The following BFSP2 variants were observed in gnomAD, a reference collection of about 807,000 sequenced individuals.
BFSP2 encodes the protein phakinin.
Under a neutral mutation model 44.9 loss-of-function variants are expected in BFSP2, and 38 were observed. The observed-to-expected ratio is 0.85, with a 90% confidence interval of 0.65 to 1.11. The LOEUF (loss-of-function observed/expected upper bound fraction) is 1.11. Among genes scored for constraint, BFSP2 ranks in the 50% least tolerant of loss-of-function variants. BFSP2 has a pLI of 0.00. For missense variants in BFSP2, 525 were observed against 533.0 expected (o/e 0.99, Z 0.15); for synonymous variants, 197 against 209.9 (o/e 0.94, Z 0.53).
At chr3:133,410,433 T>C (rs1294674253) in intron 1 of BFSP2, 1 of 274,652 alleles carries the variant, frequency 3.6e-6, no homozygotes, top group Non-Finnish European at 7.3e-6. Flanking sequence ...CAAGCCGCGC[T>C]CTTCCAGCCC....
intron 4 of BFSP2, among the ~76,000 whole-genome samples, chr3:133,458,406 C>T (rs1272379203): frequency 2.0e-5 from 3 of 152,184 alleles, no homozygotes; most frequent in Admixed American, 2.0e-4. Context: ...GTTAAGACAA[C>T]ACACAGGCTG....
At chr3:133,415,152 C>T (rs1234998685) in intron 1 of BFSP2, among the ~76,000 whole-genome samples, 1 of 127,138 alleles carries the variant, frequency 7.9e-6, no homozygotes, top group East Asian at 2.7e-4. Context: ...GCCCTCTCCC[C>T]CGTCCTCTCC....
Position 133,450,467 on chromosome 3 carries a change from G to C in BFSP2, c.891+3G>C, listed in dbSNP as rs1221147981. On this transcript the variant is annotated splice_donor_region_variant and intron_variant, in intron 4 of 6. Transcript: ENST00000302334. The stretch of plus-strand genomic sequence containing the variant: ...CAGGAGCCCTGCTCCAAGCTAAGGT[G>C]AGAGGCAGGACCAGCATCCTCCACT... 1 of 1,613,860 alleles carries C rather than the reference G, an allele frequency of 6.2e-7. No individual in the cohort carries two copies. Among genetic ancestry groups the C allele is most frequent in the Non-Finnish European group, 8.5e-7 (1 of 1,180,026 alleles).
chr3:133,472,436 C>CT lies in BFSP2; in HGVS notation c.1115_1116insT (p.Glu373GlyfsTer67). 6.2e-7 allele frequency: 1 copy of CT among 1,614,098 alleles called. No homozygotes were observed. ...GGCGCTGTGGTCGGCCGGCTGGAGG[C>CT]GGAGCTCAGGGAAATCCGAGCGGAG... On this transcript the variant is annotated frameshift_variant, in exon 6 of 7. Coordinates refer to ENST00000302334, the MANE Select transcript of BFSP2 (RefSeq NM_003571.4). LOFTEE classifies it high-confidence loss of function.
chr3:133,450,937 CTG>C (rs772558071), intron 4 of BFSP2, among the ~76,000 whole-genome samples: 27 of 152,232 alleles, frequency 1.8e-4, no homozygotes, highest in Admixed American at 7.2e-4. Flanking sequence ...GGGTGAAACA[CTG>C]TCTCTACTAA....
chr3:133,431,839 G>A (rs199513371), intron 1 of BFSP2, among the ~76,000 whole-genome samples: 17 of 152,116 alleles, frequency 1.1e-4, no homozygotes, highest in African/African-American at 3.1e-4. Context: ...ACCCTTTTAA[G>A]CACTCCTTTT....
At chr3:133,422,105 C>CCAA (rs535195879) in intron 1 of BFSP2, among the ~76,000 whole-genome samples, 4 of 84,110 alleles carry the variant, frequency 4.8e-5, no homozygotes, top group African/African-American at 2.3e-4. Flanking sequence ...GACTCCATCT[C>CCAA]AAAAAAAAAA....
chr3:133,467,303 A>G (rs910660085), intron 5 of BFSP2, among the ~76,000 whole-genome samples: 1 of 152,146 alleles, frequency 6.6e-6, no homozygotes, highest in East Asian at 1.9e-4. Context: ...CTGCCCCCCA[A>G]GGCTCAGCCA....
chr3:133,407,155 G>A (rs919121069), intron 1 of BFSP2, among the ~76,000 whole-genome samples: 2 of 152,296 alleles, frequency 1.3e-5, no homozygotes, highest in East Asian at 1.9e-4. Flanking sequence ...GGTGAAGCAG[G>A]GGGATTGCTT....
intron 1 of BFSP2, among the ~76,000 whole-genome samples, chr3:133,412,785 G>C (rs2073469210): frequency 6.6e-6 from 1 of 152,196 alleles, no homozygotes; most frequent in Non-Finnish European, 1.5e-5. Context: ...GGTGAATGTG[G>C]AACCAGACAG....
intron 4 of BFSP2, 101 bp downstream of exon 4, chr3:133,450,565 T>TA: frequency 7.3e-7 from 1 of 1,375,782 alleles, no homozygotes. Context: ...AACAACGGTT[T>TA]AGTAACAAGT....
At chr3:133,431,449 CA>C (rs2073717202) in intron 1 of BFSP2, among the ~76,000 whole-genome samples, 1 of 152,076 alleles carries the variant, frequency 6.6e-6, no homozygotes, top group Non-Finnish European at 1.5e-5. Context: ...GCCCGCAGCC[CA>C]GGATTCCTCC....
intron 4 of BFSP2, among the ~76,000 whole-genome samples, chr3:133,464,975 G>A (rs1204217640): frequency 2.0e-5 from 3 of 150,978 alleles, no homozygotes; most frequent in African/African-American, 4.9e-5. Context: ...CTACTACTGA[G>A]CTATGAGCCA....
intron 1 of BFSP2, among the ~76,000 whole-genome samples, chr3:133,442,898 C>T (rs1383091191): frequency 6.6e-6 from 1 of 151,420 alleles, no homozygotes; most frequent in Non-Finnish European, 1.5e-5. Flanking sequence ...ACTCTTGTTG[C>T]CCAGGCTGGA....
intron 1 of BFSP2, among the ~76,000 whole-genome samples, chr3:133,416,186 C>A (rs780539828): frequency 6.9e-6 from 1 of 144,226 alleles, no homozygotes; most frequent in Non-Finnish European, 1.5e-5. Context: ...CAGCCCTGTT[C>A]TCTCCCCTTT....
At chr3:133,424,222 T>G (rs1175988350) in intron 1 of BFSP2, among the ~76,000 whole-genome samples, 33,105 of 108,260 alleles carry the variant, frequency 0.31, 4,656 homozygotes, top group African/African-American at 0.45. Flanking sequence ...ATTTTTTTTT[T>G]TTTTTTTTTT....
At position 133,469,748 on chromosome 3, in the gene BFSP2, T is replaced by C. The variant is rs1215180500; in HGVS notation, c.1024-2597T>C. Among the ~76,000 whole-genome samples the C allele has an allele frequency of 3.2e-4, 48 of 152,348 alleles. 1 individual carries two copies. Among genetic ancestry groups the C allele is most frequent in the Admixed American group, 3.1e-3 (48 of 15,310 alleles). On this transcript the variant is annotated intron_variant, in intron 5 of 6. Transcript: ENST00000302334. ...AACCAGGCATCCTCTCTTTCTGCCA[T>C]AATGTCAGGGACTTAGGTGGGGAAG...
intron 1 of BFSP2, among the ~76,000 whole-genome samples, chr3:133,438,590 G>A (rs1271078446): frequency 6.6e-6 from 1 of 152,090 alleles, no homozygotes; most frequent in African/African-American, 2.4e-5. Flanking sequence ...AGCAGGGTGC[G>A]GGGAGAGGAA....
At chr3:133,409,955 A>G (rs2073434806) in intron 1 of BFSP2, 1 of 161,438 alleles carries the variant, frequency 6.2e-6, no homozygotes, top group Non-Finnish European at 1.4e-5. Flanking sequence ...GATAAGCAAC[A>G]TGAACCATAA....
Sources: allele counts gnomAD v4.1 joint callset (sites outside exome capture counted in the v4.1 genomes callset), GRCh38; gene constraint gnomAD v4.1.1; transcripts MANE v1.5; gene names NCBI Gene and HGNC (gene_info 2026-07-23, HGNC 2026-07-21).